The following NEGR1 variants were observed in gnomAD, a reference collection of about 807,000 sequenced individuals.
The protein encoded by NEGR1 is IgLON family member 4.
Under a neutral mutation model 40.9 loss-of-function variants are expected in NEGR1, and 10 were observed. That is an observed-to-expected ratio of 0.24 (90% CI 0.15 to 0.42). The LOEUF is 0.42. Ranked by LOEUF, NEGR1 falls within the 10% of genes least tolerant of loss-of-function variation. NEGR1 has a pLI of 1.00. For synonymous variants in NEGR1, 185 were observed against 166.8 expected, an observed-to-expected ratio of 1.11 and a Z score of -0.84; for missense variants, 352 against 438.9, an observed-to-expected ratio of 0.80 and a Z score of 1.77.
intron 1 of NEGR1, among the ~76,000 whole-genome samples, chr1:72,272,671 A>G (rs928295730): frequency 3.3e-5 from 5 of 151,950 alleles, no homozygotes; most frequent in South Asian, 4.1e-4. Flanking sequence ...TAAGTTATCT[A>G]AAACCTTTAC....
intron 1 of NEGR1, among the ~76,000 whole-genome samples, chr1:71,951,154 T>C (rs1255843117): frequency 6.6e-6 from 1 of 151,946 alleles, no homozygotes; most frequent in East Asian, 1.9e-4. Context: ...TTTTTTGAAA[T>C]GCACACTGCT....
chr1:71,816,828 G>C (rs182652294), intron 2 of NEGR1, among the ~76,000 whole-genome samples: 1 of 151,898 alleles, frequency 6.6e-6, no homozygotes, highest in Non-Finnish European at 1.5e-5. Flanking sequence ...TCTATCAAAG[G>C]GCAGCCCTTC....
chr1:71,439,441 C>A (rs1334959995), intron 6 of NEGR1, among the ~76,000 whole-genome samples: 2 of 152,200 alleles, frequency 1.3e-5, no homozygotes, highest in Admixed American at 6.5e-5. Context: ...TGGCTCACTG[C>A]AACCTCTGCC....
chr1:72,051,809 T>A (rs533604538), intron 1 of NEGR1, among the ~76,000 whole-genome samples: 1 of 151,468 alleles, frequency 6.6e-6, no homozygotes, highest in African/African-American at 2.4e-5. Flanking sequence ...TTTTGTCTAC[T>A]GTCCCGAAAG....
At chr1:72,140,260 G>GT (rs1650623093) in intron 1 of NEGR1, among the ~76,000 whole-genome samples, 1 of 141,828 alleles carries the variant, frequency 7.1e-6, no homozygotes, top group South Asian at 2.3e-4. Flanking sequence ...TGTTACAGTT[G>GT]TTTTTTAAAG....
intron 2 of NEGR1, among the ~76,000 whole-genome samples, chr1:71,897,115 C>G (rs915532406): frequency 6.6e-6 from 1 of 151,932 alleles, no homozygotes; most frequent in Non-Finnish European, 1.5e-5. Flanking sequence ...GCTGAGTATT[C>G]TTCTCTGTTC....
chr1:71,605,842 C>A (rs1157395238), intron 5 of NEGR1, among the ~76,000 whole-genome samples: 5 of 152,260 alleles, frequency 3.3e-5, no homozygotes, highest in East Asian at 1.9e-4. Flanking sequence ...ACTACCTTAT[C>A]CTAAGAGGTA....
intron 4 of NEGR1, among the ~76,000 whole-genome samples, chr1:71,663,459 AATAG>A (rs1203662969): frequency 2.6e-4 from 40 of 152,304 alleles, no homozygotes; most frequent in Admixed American, 1.7e-3. Context: ...CAATTTTATG[AATAG>A]ATATTCTTAA....
At chr1:72,043,343 C>T (rs879829114) in intron 1 of NEGR1, among the ~76,000 whole-genome samples, 9 of 151,748 alleles carry the variant, frequency 5.9e-5, no homozygotes, top group Admixed American at 5.9e-4. Flanking sequence ...ACCAGCATTG[C>T]CTTTGTTTTC....
At chr1:71,435,516 A>C (rs749833853) in intron 6 of NEGR1, among the ~76,000 whole-genome samples, 1 of 151,990 alleles carries the variant, frequency 6.6e-6, no homozygotes, top group Non-Finnish European at 1.5e-5. Context: ...AATAAGCACA[A>C]AAGTGCTGTA....
At chr1:71,717,922 G>A (rs1340340015) in intron 3 of NEGR1, among the ~76,000 whole-genome samples, 1 of 152,096 alleles carries the variant, frequency 6.6e-6, no homozygotes, top group African/African-American at 2.4e-5. Context: ...GAGAGACCTG[G>A]AGCACATTCT....
chr1:71,770,564 G>T (rs1656281972), intron 3 of NEGR1, among the ~76,000 whole-genome samples: 3 of 152,134 alleles, frequency 2.0e-5, no homozygotes, highest in African/African-American at 7.2e-5. Context: ...CCAGAAGTAA[G>T]GCAGAAAATA....
intron 3 of NEGR1, among the ~76,000 whole-genome samples, chr1:71,714,108 G>A (rs1654195448): frequency 6.6e-6 from 1 of 152,128 alleles, no homozygotes; most frequent in Non-Finnish European, 1.5e-5. Flanking sequence ...GAGACCTCAG[G>A]AGACTTACAA....
intron 4 of NEGR1, among the ~76,000 whole-genome samples, chr1:71,666,117 T>A (rs1445428359): frequency 6.6e-6 from 1 of 152,210 alleles, no homozygotes; most frequent in East Asian, 1.9e-4. Context: ...TCCATGTGAA[T>A]GCACAAATGA....
intron 3 of NEGR1, among the ~76,000 whole-genome samples, chr1:71,766,292 G>C (rs1195779663): frequency 6.6e-6 from 1 of 152,076 alleles, no homozygotes; most frequent in African/African-American, 2.4e-5. Context: ...ATAAGGACCT[G>C]ACAAATAGGA....
chr1:71,501,185 T>C (rs1259137234), intron 6 of NEGR1, among the ~76,000 whole-genome samples: 1 of 152,148 alleles, frequency 6.6e-6, no homozygotes, highest in Non-Finnish European at 1.5e-5. Context: ...ACATTTCTGT[T>C]AGAGATCTAA....
chr1:71,973,874 C>CT (rs1474331337), intron 1 of NEGR1, among the ~76,000 whole-genome samples: 5 of 152,040 alleles, frequency 3.3e-5, no homozygotes, highest in Non-Finnish European at 5.9e-5. Flanking sequence ...AGAATGCTTC[C>CT]TTTTTTTCAT....
At chr1:72,104,121 G>C (rs1203221997) in intron 1 of NEGR1, among the ~76,000 whole-genome samples, 2 of 151,946 alleles carry the variant, frequency 1.3e-5, no homozygotes, top group Non-Finnish European at 2.9e-5. Context: ...TTTGAGTGCA[G>C]AATGCTTACA....
chr1:71,521,758 T>G (rs745667960), intron 6 of NEGR1, among the ~76,000 whole-genome samples: 7 of 151,962 alleles, frequency 4.6e-5, no homozygotes, highest in Non-Finnish European at 7.4e-5. Context: ...ATGAAATATT[T>G]TTATAAGAGG....
Sources: gnomAD v4.1 joint callset for allele counts (sites outside exome capture counted in the v4.1 genomes callset) on GRCh38, gnomAD v4.1.1 for gene constraint, MANE v1.5 for transcripts, NCBI Gene and HGNC (gene_info 2026-07-23, HGNC 2026-07-21) for gene names.